The following TBC1D22A variants were observed in gnomAD, a reference collection of about 807,000 sequenced individuals.
TBC1D22A encodes the protein putative GTPase activator.
Under a neutral mutation model 60.2 loss-of-function variants are expected in TBC1D22A, and 38 were observed. The ratio of observed to expected loss-of-function variants is 0.63; its 90% CI spans 0.49 to 0.83. The LOEUF (loss-of-function observed/expected upper bound fraction) is 0.83, where lower values mean the gene tolerates loss of function less well. TBC1D22A is among the 40% of genes least tolerant of loss of function. The probability of loss-of-function intolerance (pLI) is 0.00; values close to 1 mark genes in which losing one functional copy is unlikely to be tolerated. For synonymous variants in TBC1D22A, 302 were observed against 281.7 expected (o/e 1.07, Z -0.72); for missense variants, 628 against 701.0 (o/e 0.90, Z 1.18).
At chr22:46,992,069 C>T (rs1036531687) in intron 9 of TBC1D22A, among the ~76,000 whole-genome samples, 3 of 152,228 alleles carry the variant, frequency 2.0e-5, no homozygotes, top group Non-Finnish European at 4.4e-5. Flanking sequence ...AGACTGTCAT[C>T]CCTGTGAACA....
chr22:47,101,009 T>C (rs565755359), intron 11 of TBC1D22A, among the ~76,000 whole-genome samples: 1 of 152,170 alleles, frequency 6.6e-6, no homozygotes, highest in African/African-American at 2.4e-5. Flanking sequence ...TTGCAAAGTG[T>C]GGAAACGTGC....
In TBC1D22A at chr22:46,997,661, A is replaced by T. The variant is rs2075165288; in HGVS notation, c.1153A>T (p.Ile385Phe). 1 of 1,614,026 alleles carries T rather than the reference A, an allele frequency of 6.2e-7. No individual in the cohort carries two copies. The highest frequency in any genetic ancestry group is 2.2e-5 in the East Asian group (1 of 44,876). ...CAACTACACCTTTGCCCAACCTGGG[A>T]TTCAAATGAAAGTGAAAATGTTAGA... is the stretch of plus-strand genomic sequence containing the variant. Reference protein sequence around the residue: ...QDNYTFAQPGIQMKVKMLEEL... With the variant: ...QDNYTFAQPGFQMKVKMLEEL... Residue 385 changes from isoleucine to phenylalanine, a missense_variant, in exon 10 of 13, where the codon ATT becomes TTT. Physicochemically the swap from Ile to Phe is conservative, Grantham distance 21. Coordinates refer to ENST00000337137, the MANE Select transcript of TBC1D22A (RefSeq NM_014346.5).
chr22:46,865,628 G>A (rs1425831714), intron 4 of TBC1D22A, among the ~76,000 whole-genome samples: 3 of 152,222 alleles, frequency 2.0e-5, no homozygotes, highest in Non-Finnish European at 4.4e-5. Context: ...CTTCAGCTGT[G>A]ATTTGTCTTG....
intron 5 of TBC1D22A, among the ~76,000 whole-genome samples, chr22:46,881,133 C>T (rs556149863): frequency 2.6e-5 from 4 of 152,096 alleles, no homozygotes; most frequent in Admixed American, 1.3e-4. Context: ...CGCCCTACTG[C>T]CATCCCTACC....
chr22:46,800,445 CTTCT>C (rs1378159653), intron 4 of TBC1D22A, among the ~76,000 whole-genome samples: 28 of 152,218 alleles, frequency 1.8e-4, no homozygotes, highest in Middle Eastern at 3.4e-3. Context: ...GCCAGTGCCC[CTTCT>C]CTGCTGGCTC....
chr22:46,934,118 G>A (rs150770158), intron 8 of TBC1D22A, among the ~76,000 whole-genome samples: 1 of 152,330 alleles, frequency 6.6e-6, no homozygotes, highest in East Asian at 1.9e-4. Flanking sequence ...GTGAATGGGT[G>A]AGTTTGCAGA....
chr22:47,171,990 TGCGCCCG>T (rs1376157621), intron 12 of TBC1D22A, among the ~76,000 whole-genome samples: 9 of 144,510 alleles, frequency 6.2e-5, no homozygotes, highest in African/African-American at 2.5e-4. Context: ...ACCTGCCCAG[TGCGCCCG>T]GTGAGCCCAG....
Position 47,016,006 on chromosome 22 carries a change from C to T in TBC1D22A, c.1201+18297C>T, listed in dbSNP as rs188447806. Among the ~76,000 whole-genome samples, 538 of 152,306 alleles carry T rather than the reference C, an allele frequency of 3.5e-3. 4 individuals are homozygous for T. The highest frequency in any genetic ancestry group is 0.02 in the Middle Eastern group (6 of 294). ...CACTGGCCCTCCACACTCCACGTGC[C>T]CCCCTGGGATGGCAGAGCCACTAAG... On this transcript the variant is annotated intron_variant, in intron 10 of 12. Transcript: ENST00000337137.
intron 12 of TBC1D22A, among the ~76,000 whole-genome samples, chr22:47,137,894 G>A (rs923775655): frequency 6.6e-6 from 1 of 152,134 alleles, no homozygotes; most frequent in African/African-American, 2.4e-5. Flanking sequence ...TCTCAGACAG[G>A]AAGTTTGCAT....
intron 4 of TBC1D22A, among the ~76,000 whole-genome samples, chr22:46,838,801 A>G (rs2086629288): frequency 6.6e-6 from 1 of 152,230 alleles, no homozygotes; most frequent in South Asian, 2.1e-4. Flanking sequence ...AATGAAGGAG[A>G]AAAATTATAT....
At chr22:46,893,906 T>C (rs966208897) in intron 6 of TBC1D22A, among the ~76,000 whole-genome samples, 2 of 152,220 alleles carry the variant, frequency 1.3e-5, no homozygotes, top group African/African-American at 4.8e-5. Flanking sequence ...CGTTTTGAGA[T>C]ACTTGGAGCA....
At chr22:47,165,768 C>T (rs914936674) in intron 12 of TBC1D22A, among the ~76,000 whole-genome samples, 3 of 152,108 alleles carry the variant, frequency 2.0e-5, no homozygotes, top group Admixed American at 2.0e-4. Context: ...GCCCCCCGGA[C>T]CCCGGGGGTC....
chr22:46,892,587 G>T (rs2068461300), intron 6 of TBC1D22A, among the ~76,000 whole-genome samples: 1 of 152,204 alleles, frequency 6.6e-6, no homozygotes, highest in Non-Finnish European at 1.5e-5. Context: ...GATTACTTTG[G>T]ATTTGCTTAA....
intron 10 of TBC1D22A, among the ~76,000 whole-genome samples, chr22:47,007,752 T>C (rs1054694713): frequency 6.6e-6 from 1 of 152,140 alleles, no homozygotes. Context: ...CTCTGCCATC[T>C]CTTATAGGGA....
At chr22:46,840,189 C>T (rs1242123866) in intron 4 of TBC1D22A, among the ~76,000 whole-genome samples, 2 of 152,128 alleles carry the variant, frequency 1.3e-5, no homozygotes, top group African/African-American at 4.8e-5. Context: ...TATTTGCAAA[C>T]TATACATCTG....
intron 8 of TBC1D22A, among the ~76,000 whole-genome samples, chr22:46,964,127 G>A (rs1198952697): frequency 6.6e-6 from 1 of 152,232 alleles, no homozygotes; most frequent in Non-Finnish European, 1.5e-5. Flanking sequence ...AATTGGCTGT[G>A]CACTTGTTGG....
chr22:47,135,011 C>T (rs2066811538), intron 12 of TBC1D22A, among the ~76,000 whole-genome samples: 1 of 152,256 alleles, frequency 6.6e-6, no homozygotes, highest in African/African-American at 2.4e-5. Context: ...CCTCAGGCCT[C>T]AGCCAGCCTC....
In TBC1D22A at chr22:46,997,688, G is replaced by C; in HGVS notation, c.1180G>C (p.Glu394Gln). Residue 394 changes from glutamate (E) to glutamine (Q), a missense_variant, in exon 10 of 13, where the codon GAA becomes CAA. By Grantham distance (29) the Glu-to-Gln change is conservative. Transcript: ENST00000337137. The part of the protein sequence containing the change: ...GIQMKVKMLE[E>Q]LVSRIDEQVH... ...TCAAATGAAAGTGAAAATGTTAGAA[G>C]AACTCGTGAGCCGGATTGATGGTAA... is the stretch of plus-strand genomic sequence containing the variant. 1 of 1,613,986 alleles carries C rather than the reference G, an allele frequency of 6.2e-7. No homozygotes were observed. The highest frequency in any genetic ancestry group is 1.7e-5 in the Admixed American group (1 of 60,024).
chr22:47,064,671 C>T (rs140770985), intron 11 of TBC1D22A, among the ~76,000 whole-genome samples: 1 of 152,322 alleles, frequency 6.6e-6, no homozygotes, highest in Non-Finnish European at 1.5e-5. Context: ...ATCACCGTAA[C>T]GCAGGACCAG....
Sources: allele counts gnomAD v4.1 joint callset (sites outside exome capture counted in the v4.1 genomes callset), GRCh38; gene constraint gnomAD v4.1.1; transcripts MANE v1.5; gene names NCBI Gene and HGNC (gene_info 2026-07-23, HGNC 2026-07-21).